ARSG: variants seen among roughly 807,000 people sequenced by gnomAD.
The protein encoded by ARSG is ASG.
A neutral mutation model predicts 50.5 loss-of-function variants in ARSG; 37 were observed. That is an observed-to-expected ratio of 0.73 (90% CI 0.56 to 0.96). The LOEUF (loss-of-function observed/expected upper bound fraction) is 0.96. ARSG is among the 50% of genes least tolerant of loss of function. The probability of loss-of-function intolerance (pLI) is 0.00; values close to 1 mark genes in which losing one functional copy is unlikely to be tolerated. For synonymous variants in ARSG, 225 were observed against 254.6 expected, an observed-to-expected ratio of 0.88 and a Z score of 1.11; for missense variants, 629 against 675.3, an observed-to-expected ratio of 0.93 and a Z score of 0.76.
chr17:68,355,044 A>G (rs1470908993), intron 5 of ARSG, among the ~76,000 whole-genome samples: 3 of 152,172 alleles, frequency 2.0e-5, no homozygotes, highest in African/African-American at 7.2e-5. Context: ...AACTCCATTC[A>G]TTACCACCTC....
At chr17:68,415,517 G>A (rs568831139) in intron 11 of ARSG, among the ~76,000 whole-genome samples, 1 of 152,316 alleles carries the variant, frequency 6.6e-6, no homozygotes, top group South Asian at 2.1e-4. Context: ...GGAATGTTCT[G>A]TATATATCTG....
Position 68,352,119 on chromosome 17 carries a change from G to GGAGAGA in ARSG, c.566+446_566+451dup, listed in dbSNP as rs149581343. On this transcript the variant is annotated intron_variant, in intron 5 of 11. Transcript: ENST00000621439. ...AGAGAGAGAGAGAGAGAGAGACAGAGGAGAGAGAGAGAGAGAGACAGAGGA... is the reference window on the plus strand; with the variant it reads ...AGAGAGAGAGAGAGAGAGAGACAGAGGAGAGAGAGAGAGAGAGAGAGAGACAGAGGA... Among the ~76,000 whole-genome samples the GGAGAGA allele has an allele frequency of 5.3e-4, 39 of 73,060 alleles. 2 individuals are homozygous for GGAGAGA. The highest frequency in any genetic ancestry group is 1.7e-3 in the African/African-American group (34 of 20,400). The allele number at this position is 73,060 out of a possible 152,430, so 47.9% of individuals were successfully genotyped here. A position where few individuals can be genotyped will look rare whatever the true frequency, so the allele number is the denominator to read the frequency against.
At chr17:68,405,594 T>C (rs1431211539) in intron 11 of ARSG, among the ~76,000 whole-genome samples, 1 of 152,202 alleles carries the variant, frequency 6.6e-6, no homozygotes, top group Non-Finnish European at 1.5e-5. Flanking sequence ...TTAGGTTTTC[T>C]ACATATAAGA....
At chr17:68,438,759 C>T in the ARSG span, among the ~76,000 whole-genome samples, 2 of 152,316 alleles carry the variant, frequency 1.3e-5, no homozygotes, top group South Asian at 2.1e-4. Flanking sequence ...TGCCACCACG[C>T]CCAGCTAATT....
At chr17:68,293,579 G>A (rs1462930459) in intron 1 of ARSG, among the ~76,000 whole-genome samples, 2 of 151,932 alleles carry the variant, frequency 1.3e-5, no homozygotes, top group African/African-American at 4.8e-5. Context: ...TTTTTTAAAT[G>A]TTTGCTTTGT....
the ARSG span, chr17:68,450,709 G>C: frequency 1.9e-6 from 3 of 1,598,964 alleles, no homozygotes; most frequent in Non-Finnish European, 2.6e-6. Flanking sequence ...TTGAAACCCT[G>C]AGGGATTTCC....
At chr17:68,426,006 C>G, downstream of ARSG, 1 of 1,235,164 alleles carries the variant, frequency 8.1e-7, no homozygotes, top group South Asian at 1.2e-5. Flanking sequence ...CTCTGCCTCT[C>G]GTATGAGGCG....
Position 68,356,837 on chromosome 17 carries a change from C to A in ARSG, c.704+33C>A. On this transcript the variant is annotated intron_variant, in intron 6 of 11. Coordinates refer to ENST00000621439, the MANE Select transcript of ARSG (RefSeq NM_001267727.2). ...GTCTCCCTCCCTCCGCAGGGCCTCCCCCTGCCTCCACCTACCCGTGCACAC... is the reference window on the plus strand; with the variant it reads ...GTCTCCCTCCCTCCGCAGGGCCTCCACCTGCCTCCACCTACCCGTGCACAC... 3 of 1,613,530 alleles carry A rather than the reference C, an allele frequency of 1.9e-6. No homozygotes were observed. The South Asian group carries it at 3.3e-5, about 18-fold the overall frequency.
chr17:68,397,413 C>G (rs761102899), intron 10 of ARSG, among the ~76,000 whole-genome samples: 35 of 152,146 alleles, frequency 2.3e-4, no homozygotes, highest in Non-Finnish European at 2.8e-4. Context: ...CTCAGTCTCC[C>G]AGAGCATGCC....
intron 6 of ARSG, among the ~76,000 whole-genome samples, chr17:68,358,220 A>G (rs1023194698): frequency 6.6e-6 from 1 of 151,390 alleles, no homozygotes; most frequent in Middle Eastern, 3.4e-3. Context: ...ATATAAAATG[A>G]AAAATAAAAT....
chr17:68,313,536 C>T lies in ARSG; in HGVS notation c.218+5825C>T, dbSNP rs192524077. On this transcript the variant is annotated intron_variant, in intron 2 of 11. Transcript: ENST00000621439. ...CTTTGGATTGAAGGCCCACCCTACT[C>T]CAGTATGACCTCATCTTAACTTAAT... Among the ~76,000 whole-genome samples, 66 of 152,264 alleles carry T rather than the reference C, an allele frequency of 4.3e-4. 1 individual carries two copies. The East Asian group carries it at 0.013, about 29-fold the overall frequency.
chr17:68,347,236 C>G, intron 4 of ARSG, 64 bp downstream of exon 4: 1 of 1,544,698 alleles, frequency 6.5e-7, no homozygotes, highest in Non-Finnish European at 8.9e-7. Flanking sequence ...GTGTAAGACT[C>G]CATGAACAGC....
intron 5 of ARSG, among the ~76,000 whole-genome samples, chr17:68,354,990 C>G (rs1161005310): frequency 6.6e-6 from 1 of 152,168 alleles, no homozygotes; most frequent in Non-Finnish European, 1.5e-5. Context: ...GATTTCTTCA[C>G]AAATCCTTCC....
chr17:68,409,437 T>A (rs1217131742), intron 11 of ARSG, among the ~76,000 whole-genome samples: 2 of 150,868 alleles, frequency 1.3e-5, no homozygotes, highest in Admixed American at 1.3e-4. Context: ...GTTGTAGATA[T>A]GCGGCGTTAT....
chr17:68,443,667 T>C, the ARSG span, among the ~76,000 whole-genome samples: 1 of 152,214 alleles, frequency 6.6e-6, no homozygotes, highest in East Asian at 1.9e-4. Context: ...CAGATAGATC[T>C]TGAAATTCAG....
chr17:68,442,386 A>T, the ARSG span, among the ~76,000 whole-genome samples: 1 of 151,400 alleles, frequency 6.6e-6, no homozygotes, highest in Admixed American at 6.6e-5. Context: ...AATCACTTGA[A>T]TCCGGGAGGC....
At chr17:68,388,289 C>T (rs949034868) in intron 9 of ARSG, among the ~76,000 whole-genome samples, 9 of 152,156 alleles carry the variant, frequency 5.9e-5, no homozygotes, top group Non-Finnish European at 1.2e-4. Flanking sequence ...GATCACTCTT[C>T]GTTTTGGAGG....
At chr17:68,315,051 G>A (rs1305024760) in intron 2 of ARSG, among the ~76,000 whole-genome samples, 2 of 152,162 alleles carry the variant, frequency 1.3e-5, no homozygotes, top group African/African-American at 4.8e-5. Context: ...CTAATTCTTG[G>A]TACCACCCTA....
intron 9 of ARSG, among the ~76,000 whole-genome samples, chr17:68,393,255 A>G (rs1476864433): frequency 6.6e-6 from 1 of 152,206 alleles, no homozygotes; most frequent in East Asian, 1.9e-4. Context: ...ACAGAAATGA[A>G]TCTAAGTTTT....
Sources: gnomAD v4.1 joint callset for allele counts (sites outside exome capture counted in the v4.1 genomes callset) on GRCh38, gnomAD v4.1.1 for gene constraint, MANE v1.5 for transcripts, NCBI Gene and HGNC (gene_info 2026-07-23, HGNC 2026-07-21) for gene names.